CACNA2D3: variants seen among roughly 807,000 people sequenced by gnomAD.
CACNA2D3 encodes calcium voltage-gated channel auxiliary subunit alpha2delta 3, also known as voltage-dependent calcium channel subunit alpha-2/delta-3.
CACNA2D3 carries 60 observed loss-of-function variants against 160.6 expected under a neutral mutation model. The observed-to-expected ratio is 0.37, with a 90% CI of 0.30 to 0.46. The LOEUF is 0.46. Ranked by LOEUF, CACNA2D3 falls within the 20% of genes least tolerant of loss-of-function variation. The pLI is 1.00. For synonymous variants in CACNA2D3, 558 were observed against 492.9 expected, an observed-to-expected ratio of 1.13 and a Z score of -1.75; for missense variants, 1,205 against 1,365.0, an observed-to-expected ratio of 0.88 and a Z score of 1.85.
intron 9 of CACNA2D3, among the ~76,000 whole-genome samples, chr3:54,621,740 C>G (rs1698992067): frequency 6.6e-6 from 1 of 152,190 alleles, no homozygotes; most frequent in Non-Finnish European, 1.5e-5. Context: ...CTACGTGTCT[C>G]TATCCATTTG....
rs538435146 is a variant in CACNA2D3 at position 54,143,194 on chromosome 3, A to G, written c.204+19600A>G. Among the ~76,000 whole-genome samples, 321 of 152,312 alleles carry G rather than the reference A, an allele frequency of 2.1e-3. 3 individuals are homozygous for G. The highest frequency in any genetic ancestry group is 1.3e-3 in the East Asian group (7 of 5,188). On this transcript the variant is annotated intron_variant, in intron 2 of 37. Transcript: ENST00000474759. ...TCTTCCCAGGATTGAAGAAGCTCCC[A>G]GGGCAGTTGTCATGTAAGTGGCTTC...
intron 13 of CACNA2D3, among the ~76,000 whole-genome samples, chr3:54,764,865 C>G (rs922882683): frequency 6.6e-6 from 1 of 152,212 alleles, no homozygotes; most frequent in African/African-American, 2.4e-5. Context: ...GTTGTTTGAA[C>G]TCTGACCATG....
At chr3:54,163,710 A>G (rs1422873489) in intron 2 of CACNA2D3, among the ~76,000 whole-genome samples, 1 of 152,158 alleles carries the variant, frequency 6.6e-6, no homozygotes, top group Non-Finnish European at 1.5e-5. Context: ...TTTGCGGAAG[A>G]TCCCATGCAG....
At chr3:54,725,284 C>A (rs1373241347) in intron 11 of CACNA2D3, among the ~76,000 whole-genome samples, 3 of 152,046 alleles carry the variant, frequency 2.0e-5, no homozygotes, top group African/African-American at 4.8e-5. Context: ...GCCTACCAAC[C>A]AAAAGAAGTC....
chr3:54,219,340 G>A (rs1001217334), intron 2 of CACNA2D3, among the ~76,000 whole-genome samples: 1 of 152,160 alleles, frequency 6.6e-6, no homozygotes, highest in African/African-American at 2.4e-5. Flanking sequence ...TCTTTAACCT[G>A]GAGAGCTGGA....
At chr3:54,525,412 T>G (rs1701709866) in intron 5 of CACNA2D3, among the ~76,000 whole-genome samples, 1 of 152,164 alleles carries the variant, frequency 6.6e-6, no homozygotes, top group Non-Finnish European at 1.5e-5. Flanking sequence ...ACCTTTTTGG[T>G]GATCTTGATT....
chr3:55,031,529 T>A (rs555420014), intron 35 of CACNA2D3, among the ~76,000 whole-genome samples: 20 of 152,324 alleles, frequency 1.3e-4, no homozygotes, highest in African/African-American at 4.8e-4. Flanking sequence ...ACATCCCGTA[T>A]ACTCAAAAAG....
At chr3:54,680,754 A>C (rs891071065) in intron 11 of CACNA2D3, among the ~76,000 whole-genome samples, 1 of 152,192 alleles carries the variant, frequency 6.6e-6, no homozygotes, top group Non-Finnish European at 1.5e-5. Flanking sequence ...GATTGCATTT[A>C]AGACCTTTGG....
chr3:54,484,883 G>A (rs1370708711), intron 4 of CACNA2D3, among the ~76,000 whole-genome samples: 1 of 147,760 alleles, frequency 6.8e-6, no homozygotes, highest in Non-Finnish European at 1.5e-5. Context: ...GTCTTACTCT[G>A]TTGCCTGGGC....
intron 31 of CACNA2D3, among the ~76,000 whole-genome samples, chr3:54,996,860 G>A (rs1048470725): frequency 3.3e-5 from 5 of 152,260 alleles, no homozygotes; most frequent in East Asian, 3.9e-4. Context: ...GGATCAGTTC[G>A]TGTCCTTTGC....
At chr3:54,907,329 C>CT (rs1024297387) in intron 27 of CACNA2D3, among the ~76,000 whole-genome samples, 1 of 152,154 alleles carries the variant, frequency 6.6e-6, no homozygotes, top group Admixed American at 6.6e-5. Context: ...GGTTGGATCT[C>CT]TAACAGCCTC....
chr3:54,975,477 T>C lies in CACNA2D3; in HGVS notation c.2556+5633T>C, dbSNP rs541308792. Among the ~76,000 whole-genome samples the C allele has an allele frequency of 1.5e-4, 21 of 140,206 alleles. 1 individual carries two copies. In the East Asian group the frequency reaches 3.6e-3, roughly 24 times the overall value. 92.0% of individuals were successfully genotyped at this position (140,206 alleles called of 152,430 possible). On this transcript the variant is annotated intron_variant, in intron 29 of 37. Coordinates refer to ENST00000474759, the MANE Select transcript of CACNA2D3 (RefSeq NM_018398.3). ...GAGGTTGCAGTGAGCTAACATCTCA[T>C]GCCACTGCACTCCAGCCTGGGCAAC...
chr3:54,369,015 C>T (rs998808690), intron 3 of CACNA2D3, among the ~76,000 whole-genome samples: 2 of 152,042 alleles, frequency 1.3e-5, no homozygotes, highest in African/African-American at 4.8e-5. Context: ...GTAGGGTTCT[C>T]TTATAGCTAT....
chr3:54,643,849 G>A (rs904825674), intron 11 of CACNA2D3, among the ~76,000 whole-genome samples: 2 of 152,178 alleles, frequency 1.3e-5, no homozygotes, highest in African/African-American at 2.4e-5. Flanking sequence ...AAGTAAACAT[G>A]AGTAGGGCCA....
At chr3:54,944,365 A>AT (rs1701554920) in intron 27 of CACNA2D3, among the ~76,000 whole-genome samples, 1 of 151,736 alleles carries the variant, frequency 6.6e-6, no homozygotes, top group Non-Finnish European at 1.5e-5. Flanking sequence ...TCATTTGTAT[A>AT]TTTTGACTGT....
At chr3:54,132,101 C>G (rs1349916434) in intron 2 of CACNA2D3, among the ~76,000 whole-genome samples, 1 of 152,242 alleles carries the variant, frequency 6.6e-6, no homozygotes, top group African/African-American at 2.4e-5. Context: ...AGTGAAATGT[C>G]TGTTAGTGCA....
chr3:54,508,088 G>T (rs1462714287), intron 5 of CACNA2D3, among the ~76,000 whole-genome samples: 2 of 152,214 alleles, frequency 1.3e-5, no homozygotes, highest in Non-Finnish European at 1.5e-5. Flanking sequence ...TGTTGTCCAA[G>T]GGGGCTGTGG....
chr3:54,918,332 C>CTATTTTTTTTTTTTTT (rs1700718147), intron 27 of CACNA2D3: 1 of 222,324 alleles, frequency 4.5e-6, no homozygotes. Flanking sequence ...TTTTTTTTTT[C>CTATTTTTTTTTTTTTT]TTTTTTTTTT....
At chr3:54,906,230 G>C (rs1454193445) in intron 27 of CACNA2D3, among the ~76,000 whole-genome samples, 1 of 152,122 alleles carries the variant, frequency 6.6e-6, no homozygotes, top group Non-Finnish European at 1.5e-5. Flanking sequence ...AGAAGTGAAA[G>C]GGAGGGAGGG....
Sources: allele counts gnomAD v4.1 joint callset (sites outside exome capture counted in the v4.1 genomes callset), GRCh38; gene constraint gnomAD v4.1.1; transcripts MANE v1.5; gene names NCBI Gene and HGNC (gene_info 2026-07-23, HGNC 2026-07-21).